Variants in NSD3 observed in about 807,000 individuals in gnomAD.
NSD3 encodes the protein nuclear receptor binding SET domain protein 3.
Under a neutral mutation model 160.8 loss-of-function variants are expected in NSD3, and 24 were observed. The ratio of observed to expected loss-of-function variants is 0.15; its 90% CI spans 0.11 to 0.21. The LOEUF is 0.21. NSD3 is among the 10% of genes least tolerant of loss of function. NSD3 has a pLI of 1.00. For synonymous variants in NSD3, 520 were observed against 600.0 expected (o/e 0.87, Z 1.95); for missense variants, 1,157 against 1,735.9 (o/e 0.67, Z 5.93).
intron 12 of NSD3, among the ~76,000 whole-genome samples, chr8:38,310,324 C>T (rs973867265): frequency 6.6e-6 from 1 of 152,136 alleles, no homozygotes; most frequent in African/African-American, 2.4e-5. Context: ...GCATAAAGTC[C>T]TCAAGGTTCA....
intron 1 of NSD3, among the ~76,000 whole-genome samples, chr8:38,363,639 CAAAAAA>C (rs768805402): frequency 2.1e-5 from 1 of 48,716 alleles, no homozygotes; most frequent in African/African-American, 8.0e-5. Context: ...GACTCCGTCT[CAAAAAA>C]AAAAAAAAAA....
rs1808383664 is a variant in NSD3, at chr8:38,269,978, G to A, written c.*5663C>T. 6.6e-6 allele frequency: 1 copy of A among 152,120 alleles called. No individual in the cohort carries two copies. The highest frequency in any genetic ancestry group is 2.4e-5 in the African/African-American group (1 of 41,412). The allele number at this position is 152,120 out of a possible 1,614,324, so 9.4% of individuals were successfully genotyped here. A position where few individuals can be genotyped will look rare whatever the true frequency, so the allele number is the denominator to read the frequency against. On this transcript the variant is annotated 3_prime_UTR_variant, in exon 24 of 24. Coordinates refer to ENST00000317025, the MANE Select transcript of NSD3 (RefSeq NM_023034.2). ...GTCAACAATAAGCTATCTATATACA[G>A]GTTAACCAAGCTTTACACGTTTCAC... is the stretch of plus-strand genomic sequence containing the variant.
rs775678533 is a variant in NSD3 at position 38,321,167 on chromosome 8, C to T, written c.1714G>A (p.Val572Ile). The T allele has an allele frequency of 8.1e-6, 13 of 1,611,036 alleles. No individual in the cohort carries two copies. In the South Asian group the frequency reaches 1.3e-4, roughly 16 times the overall value. Residue 572 changes from valine to isoleucine, a missense_variant, in exon 8 of 24, where the codon GTA (valine) becomes ATA (isoleucine). By Grantham distance (29) the Val-to-Ile change is conservative. This residue lies in a region of NSD3 where 102 missense variants were observed against 126.5 expected (regional missense o/e 0.81). Transcript: ENST00000317025. The surrounding 1 kb of genome is among the most constrained non-coding windows in gnomAD (Gnocchi z 4.7). Reference protein sequence around the residue: ...PEATSGSTGSVEKKQQRRSIR... With the variant: ...PEATSGSTGSIEKKQQRRSIR... ...GATCTTCTCTGTTGCTTCTTTTCTACTGAGCCTAAGAAATGATTTAAACAC... is the reference window on the plus strand; with the variant it reads ...GATCTTCTCTGTTGCTTCTTTTCTATTGAGCCTAAGAAATGATTTAAACAC...
chr8:38,287,055 T>G (rs1232754274), intron 19 of NSD3, among the ~76,000 whole-genome samples: 5 of 152,246 alleles, frequency 3.3e-5, no homozygotes, highest in Non-Finnish European at 2.9e-5. Context: ...TTCACTATTG[T>G]TTTCCAAGTG....
In NSD3 at chr8:38,366,560, C is replaced by T. The variant is rs564532517; in HGVS notation, c.-45+15239G>A. The stretch of plus-strand genomic sequence containing the variant: ...TCGTGAGTAGCTGGGACTACAGGCG[C>T]CCGCCACCACACCTGGCTAATTTTT... On this transcript the variant is annotated intron_variant, in intron 1 of 23. Coordinates refer to ENST00000317025, the MANE Select transcript of NSD3 (RefSeq NM_023034.2). 5.2e-4 allele frequency among the ~76,000 whole-genome samples: 79 copies of T among 151,860 alleles called. 1 individual carries two copies. The highest frequency in any genetic ancestry group is 9.3e-4 in the Non-Finnish European group (63 of 67,944).
intron 1 of NSD3, among the ~76,000 whole-genome samples, chr8:38,377,309 C>T (rs1811418196): frequency 6.6e-6 from 1 of 152,142 alleles, no homozygotes; most frequent in Admixed American, 6.5e-5. Flanking sequence ...CTGCCTCAGC[C>T]TCCCAAAGTG....
chr8:38,297,458 G>A (rs995369225), intron 15 of NSD3, among the ~76,000 whole-genome samples: 5 of 152,198 alleles, frequency 3.3e-5, no homozygotes, highest in East Asian at 3.9e-4. Flanking sequence ...ATGAGTGTAC[G>A]AAGATTTAAA....
intron 22 of NSD3, among the ~76,000 whole-genome samples, chr8:38,277,312 C>T (rs1415878056): frequency 6.6e-6 from 1 of 152,204 alleles, no homozygotes; most frequent in Admixed American, 6.5e-5. Flanking sequence ...GAGTCTCGCT[C>T]TGTCGCCCAT....
chr8:38,321,038 C>A lies in NSD3; in HGVS notation c.1809+34G>T. 6.4e-7 allele frequency: 1 copy of A among 1,561,028 alleles called. No homozygotes were observed. The highest frequency in any genetic ancestry group is 2.1e-4 in the Middle Eastern group (1 of 4,740). On this transcript the variant is annotated intron_variant, in intron 8 of 23. Coordinates refer to ENST00000317025, the MANE Select transcript of NSD3 (RefSeq NM_023034.2). The surrounding 1 kb of genome is among the most constrained non-coding windows in gnomAD (Gnocchi z 4.7). ...ATGTAAGCCACAACATTTACAAATACAATGTTTTAACTCTCTACATGTAGG... is the reference window on the plus strand; with the variant it reads ...ATGTAAGCCACAACATTTACAAATAAAATGTTTTAACTCTCTACATGTAGG...
At chr8:38,289,268 AG>A in intron 18 of NSD3, 124 bp downstream of exon 18, 1 of 877,220 alleles carries the variant, frequency 1.1e-6, no homozygotes. Context: ...CAAGTCAAAG[AG>A]GGTCTTTAAC....
intron 17 of NSD3, among the ~76,000 whole-genome samples, chr8:38,289,973 T>C (rs1808961731): frequency 6.6e-6 from 1 of 152,120 alleles, no homozygotes; most frequent in Admixed American, 6.5e-5. Flanking sequence ...CCCAACACTT[T>C]GGAAGGCTGA....
rs778706073 is a variant in NSD3, at chr8:38,269,715, C to T, written c.*5926G>A. The T allele has an allele frequency of 8.4e-5, 13 of 153,994 alleles. No homozygotes were observed. The highest frequency in any genetic ancestry group is 1.9e-4 in the Non-Finnish European group (13 of 69,348). The allele number at this position is 153,994 out of a possible 1,614,324, so 9.5% of individuals were successfully genotyped here. A position where few individuals can be genotyped will look rare whatever the true frequency, so the allele number is the denominator to read the frequency against. ...GCCCACATATTTAATTTGGAACATA[C>T]AGGACAATTTATTGAAGTCAATCTC... On this transcript the variant is annotated 3_prime_UTR_variant, in exon 24 of 24. Transcript: ENST00000317025.
rs1809660070 is a variant in NSD3, at chr8:38,316,230, T to C, written c.1856-188A>G. Among the ~76,000 whole-genome samples the C allele has an allele frequency of 6.6e-6, 1 of 152,222 alleles. No homozygotes were observed. The highest frequency in any genetic ancestry group is 2.1e-4 in the South Asian group (1 of 4,836). ...CTGACCTTCCTGGTAGTGACTGATT[T>C]AATTTACAACCGCTCTATCAAAACA... On this transcript the variant is annotated intron_variant, in intron 9 of 23. Transcript: ENST00000317025. The surrounding 1 kb of genome is among the most constrained non-coding windows in gnomAD (Gnocchi z 4.5).
chr8:38,288,369 G>C lies in NSD3; in HGVS notation c.3501+118C>G, dbSNP rs1808915111. ...AAGTACCAAACTCTCAACATGGAAA[G>C]TTTTAACATTTTACCACAAATTCCT... On this transcript the variant is annotated intron_variant, in intron 19 of 23. Transcript: ENST00000317025. This position sits in a 1 kb window ranked among gnomAD's most constrained non-coding sequence, Gnocchi z 4.5. 1 of 1,403,770 alleles carries C rather than the reference G, an allele frequency of 7.1e-7. No homozygotes were observed. The allele number at this position is 1,403,770 out of a possible 1,614,324, so 87.0% of individuals were successfully genotyped here. A position where few individuals can be genotyped will look rare whatever the true frequency, so the allele number is the denominator to read the frequency against.
At chr8:38,343,268 C>T (rs2150381505) in intron 2 of NSD3, among the ~76,000 whole-genome samples, 1 of 151,936 alleles carries the variant, frequency 6.6e-6, no homozygotes, top group African/African-American at 2.4e-5. Context: ...ATATAAATTT[C>T]AAAAACATAG....
intron 1 of NSD3, chr8:38,363,931 T>G (rs1274233894): frequency 6.6e-6 from 1 of 152,042 alleles, no homozygotes; most frequent in Non-Finnish European, 1.5e-5. Flanking sequence ...ATCCTTAGAT[T>G]CATTAACCTA....
chr8:38,307,074 C>T (rs1338337683), intron 12 of NSD3, among the ~76,000 whole-genome samples: 2 of 147,034 alleles, frequency 1.4e-5, no homozygotes, highest in African/African-American at 5.0e-5. Context: ...GAAATCGCGC[C>T]ACCGCACTCC....
chr8:38,291,942 A>C (rs565711554), intron 16 of NSD3, among the ~76,000 whole-genome samples: 1 of 152,318 alleles, frequency 6.6e-6, no homozygotes, highest in African/African-American at 2.4e-5. Context: ...CAAAACATAC[A>C]AGAAGAATCT....
At chr8:38,365,075 C>T (rs1452755228) in intron 1 of NSD3, among the ~76,000 whole-genome samples, 1 of 152,192 alleles carries the variant, frequency 6.6e-6, no homozygotes. Flanking sequence ...TTTTCCAGCT[C>T]CATGAGGCAG....
Sources: gnomAD v4.1 joint callset for allele counts (sites outside exome capture counted in the v4.1 genomes callset) on GRCh38, gnomAD v4.1.1 for gene constraint, gnomAD v4.1.1 regional missense constraint, Gnocchi (gnomAD v3.1) non-coding constraint, MANE v1.5 for transcripts, NCBI Gene and HGNC (gene_info 2026-07-23, HGNC 2026-07-21) for gene names.